The following PCDHGA10 variants were observed in gnomAD, a reference collection of about 807,000 sequenced individuals.
PCDHGA10 encodes the protein protocadherin gamma-A10.
Under a neutral mutation model 59.5 loss-of-function variants are expected in PCDHGA10, and 42 were observed. The observed-to-expected ratio is 0.71, with a 90% CI of 0.55 to 0.91. The LOEUF is 0.91. PCDHGA10 is among the 40% of genes least tolerant of loss of function. The pLI, the probability that PCDHGA10 is intolerant of heterozygous loss-of-function variation, is 0.00. For synonymous variants in PCDHGA10, 511 were observed against 517.2 expected, an observed-to-expected ratio of 0.99 and a Z score of 0.16; for missense variants, 1,111 against 1,198.2, an observed-to-expected ratio of 0.93 and a Z score of 1.07.
chr5:141,493,052 T>G lies in PCDHGA10; in HGVS notation c.2437-1755T>G, dbSNP rs1362566525. 6.6e-6 allele frequency among the ~76,000 whole-genome samples: 1 copy of G among 152,104 alleles called. No individual in the cohort carries two copies. The highest frequency in any genetic ancestry group is 2.4e-5 in the African/African-American group (1 of 41,416). Reference sequence around the variant, plus strand: ...CTTATGTGTGAGGAAACTACAATAGTAAAAAACACAAGTTTCTCCAACTCC... The same window carrying G: ...CTTATGTGTGAGGAAACTACAATAGGAAAAAACACAAGTTTCTCCAACTCC... On this transcript the variant is annotated intron_variant, in intron 1 of 3. Coordinates refer to ENST00000398610, the MANE Select transcript of PCDHGA10 (RefSeq NM_018913.3). This position sits in a 1 kb window ranked among gnomAD's most constrained non-coding sequence, Gnocchi z 4.3.
At chr5:141,466,545 T>C (rs2099124777) in intron 1 of PCDHGA10, among the ~76,000 whole-genome samples, 1 of 152,216 alleles carries the variant, frequency 6.6e-6, no homozygotes. Flanking sequence ...AGATGGTCTT[T>C]TGCTGTGGGC....
At chr5:141,428,154 T>G (rs760002801) in intron 1 of PCDHGA10, 29 of 1,578,806 alleles carry the variant, frequency 1.8e-5, no homozygotes, top group African/African-American at 1.3e-5. Flanking sequence ...CACGGGAACC[T>G]GCTGGTTGCT....
At chr5:141,430,979 C>A (rs370494413) in intron 1 of PCDHGA10, 2 of 1,613,642 alleles carry the variant, frequency 1.2e-6, no homozygotes, top group Non-Finnish European at 1.7e-6. Context: ...TAGGACGCAG[C>A]TTTTCGCCCT....
intron 1 of PCDHGA10, among the ~76,000 whole-genome samples, chr5:141,458,726 C>T (rs1301761231): frequency 1.3e-5 from 2 of 151,992 alleles, no homozygotes; most frequent in African/African-American, 4.8e-5. Flanking sequence ...TTCGCCACCA[C>T]ATCCAGCTAT....
At chr5:141,463,176 C>T (rs989201395) in intron 1 of PCDHGA10, among the ~76,000 whole-genome samples, 2 of 152,100 alleles carry the variant, frequency 1.3e-5, no homozygotes, top group African/African-American at 4.8e-5. Context: ...TATGTATGCT[C>T]AGATTATTAT....
chr5:141,479,731 G>C (rs1176632022), intron 1 of PCDHGA10: 1 of 152,216 alleles, frequency 6.6e-6, no homozygotes, highest in East Asian at 1.9e-4. Context: ...TTTTTCTTAA[G>C]TATATGCACA....
chr5:141,433,234 C>T (rs773942024), intron 1 of PCDHGA10: 3 of 1,512,746 alleles, frequency 2.0e-6, no homozygotes, highest in Middle Eastern at 1.8e-4. Flanking sequence ...TGCTCTGTCT[C>T]CCAAGCTGGA....
chr5:141,444,152 A>ATTTTTTTTT (rs747671382), intron 1 of PCDHGA10, among the ~76,000 whole-genome samples: 2 of 33,898 alleles, frequency 5.9e-5, no homozygotes, highest in Non-Finnish European at 5.2e-5. Context: ...TGTGTACTGG[A>ATTTTTTTTT]TTTTTTTTTT....
chr5:141,442,779 A>G (rs1453800627), intron 1 of PCDHGA10, among the ~76,000 whole-genome samples: 1 of 152,160 alleles, frequency 6.6e-6, no homozygotes, highest in Non-Finnish European at 1.5e-5. Context: ...GTTTGATTAT[A>G]TTTTATAATT....
chr5:141,431,904 T>A lies in PCDHGA10; in HGVS notation c.2436+16293T>A. On this transcript the variant is annotated intron_variant, in intron 1 of 3. Transcript: ENST00000398610. The surrounding 1 kb of genome is among the most constrained non-coding windows in gnomAD (Gnocchi z 4.8). ...CAAGATTCTGAGGAAAACGGACAGG[T>A]GATCTGTTTCATCCAAGGAAATCTG... is the stretch of plus-strand genomic sequence containing the variant. 1 of 1,613,846 alleles carries A rather than the reference T, an allele frequency of 6.2e-7. No individual in the cohort carries two copies. Among genetic ancestry groups the A allele is most frequent in the Non-Finnish European group, 8.5e-7 (1 of 1,179,708 alleles).
chr5:141,494,936 G>C, intron 2 of PCDHGA10, 71 bp downstream of exon 2: 1 of 1,612,574 alleles, frequency 6.2e-7, no homozygotes, highest in South Asian at 1.1e-5. Flanking sequence ...GGAGGAGATG[G>C]GGGAGGGCCC....
In PCDHGA10 at chr5:141,511,033, C is replaced by T. The variant is rs1185153127; in HGVS notation, c.2671C>T (p.His891Tyr). 6.2e-7 allele frequency: 1 copy of T among 1,614,202 alleles called. No individual in the cohort carries two copies. The highest frequency in any genetic ancestry group is 1.7e-5 in the Admixed American group (1 of 60,032). ...CTACGGACCCCAGTTCACCCTGCAG[C>T]ACGTGCCCGACTACCGCCAGAATGT... ...ARYGPQFTLQ[H>Y]VPDYRQNVYI... Residue 891 changes from histidine to tyrosine, a missense_variant, in exon 4 of 4, where the codon CAC becomes TAC. His to Tyr is a moderately conservative substitution (Grantham distance 83). Coordinates refer to ENST00000398610, the MANE Select transcript of PCDHGA10 (RefSeq NM_018913.3).
At chr5:141,448,662 C>T (rs1242351797) in intron 1 of PCDHGA10, among the ~76,000 whole-genome samples, 1 of 151,980 alleles carries the variant, frequency 6.6e-6, no homozygotes, top group Non-Finnish European at 1.5e-5. Flanking sequence ...CCATATTGGC[C>T]GGGCGCGGTG....
chr5:141,423,661 GT>G, intron 1 of PCDHGA10: 1 of 1,555,760 alleles, frequency 6.4e-7, no homozygotes. Flanking sequence ...AAGTAATCAG[GT>G]GAGATTTATT....
intron 1 of PCDHGA10, chr5:141,428,221 G>T (rs1314522513): frequency 1.0e-5 from 12 of 1,177,166 alleles, no homozygotes; most frequent in East Asian, 4.9e-5. Context: ...CCTAGTCTTC[G>T]CAGACAGCCT....
chr5:141,421,592 T>C (rs1590304832), intron 1 of PCDHGA10: 1 of 1,613,272 alleles, frequency 6.2e-7, no homozygotes, highest in Non-Finnish European at 8.5e-7. Context: ...GGAGTGGAGG[T>C]GGAAATAATA....
chr5:141,439,354 C>G (rs746525653), intron 1 of PCDHGA10, among the ~76,000 whole-genome samples: 7 of 152,186 alleles, frequency 4.6e-5, no homozygotes, highest in Admixed American at 4.6e-4. Context: ...TACAAATACT[C>G]AAACATCAAG....
At position 141,432,749 on chromosome 5, in the gene PCDHGA10, G is replaced by A; in HGVS notation, c.2436+17138G>A. 6.8e-6 allele frequency: 11 copies of A among 1,614,106 alleles called. No homozygotes were observed. The highest frequency in any genetic ancestry group is 9.3e-6 in the Non-Finnish European group (11 of 1,179,980). On this transcript the variant is annotated intron_variant, in intron 1 of 3. Coordinates refer to ENST00000398610, the MANE Select transcript of PCDHGA10 (RefSeq NM_018913.3). The surrounding 1 kb of genome is among the most constrained non-coding windows in gnomAD (Gnocchi z 6.0). ...CGCCACTGTCACGCTCACCGTGGCCGTGGCCGACAGCATCCCCCAAGTCCT... is the reference window on the plus strand; with the variant it reads ...CGCCACTGTCACGCTCACCGTGGCCATGGCCGACAGCATCCCCCAAGTCCT...
At position 141,490,207 on chromosome 5, in the gene PCDHGA10, C is replaced by T. The variant is rs142098675; in HGVS notation, c.2437-4600C>T. On this transcript the variant is annotated intron_variant, in intron 1 of 3. Transcript: ENST00000398610. This position sits in a 1 kb window ranked among gnomAD's most constrained non-coding sequence, Gnocchi z 5.4. ...TTTCTATGAAATTCATGCAAGAGCC[C>T]GTGACCAGGGACAGCCTGCCATGGA... 41 of 1,614,056 alleles carry T rather than the reference C, an allele frequency of 2.5e-5. No homozygotes were observed. The highest frequency in any genetic ancestry group is 3.3e-4 in the Middle Eastern group (2 of 6,084).
Sources: allele counts gnomAD v4.1 joint callset (sites outside exome capture counted in the v4.1 genomes callset), GRCh38; gene constraint gnomAD v4.1.1; non-coding constraint Gnocchi (gnomAD v3.1); transcripts MANE v1.5; gene names NCBI Gene and HGNC (gene_info 2026-07-23, HGNC 2026-07-21).